The following HIGD1A variants were observed in gnomAD, a reference collection of about 807,000 sequenced individuals.
The protein encoded by HIGD1A is HIG1 hypoxia inducible domain family member 1A, also known as HIG1 domain family member 1A, mitochondrial.
HIGD1A carries 8 observed loss-of-function variants against 11.3 expected under a neutral mutation model. The ratio of observed to expected loss-of-function variants is 0.71; its 90% confidence interval spans 0.42 to 1.28. The LOEUF (loss-of-function observed/expected upper bound fraction) is 1.28, where lower values mean the gene tolerates loss of function less well. Among genes scored for constraint, HIGD1A ranks in the 50% most tolerant of loss-of-function variants. The pLI is 0.01. For missense variants in HIGD1A, 107 were observed against 118.8 expected (o/e 0.90, Z 0.46); for synonymous variants, 32 against 38.4 (o/e 0.83, Z 0.62).
rs1700439246 is a variant in HIGD1A at position 42,792,686 on chromosome 3, A to AT, written c.97+1470_97+1471insA. 2.0e-5 allele frequency among the ~76,000 whole-genome samples: 3 copies of AT among 149,576 alleles called. No homozygotes were observed. In the South Asian group the frequency reaches 6.4e-4, roughly 32 times the overall value. ...AAGACTCCGTTTCAAAAAAAAAAAAAGTAGAGTTTTAGGCCAGGCACGGTG... is the reference window on the plus strand; with the variant it reads ...AAGACTCCGTTTCAAAAAAAAAAAAATGTAGAGTTTTAGGCCAGGCACGGTG... On this transcript the variant is annotated intron_variant, in intron 2 of 3. Transcript: ENST00000321331.
intron 1 of HIGD1A, among the ~76,000 whole-genome samples, chr3:42,796,417 G>T (rs568067399): frequency 6.8e-6 from 1 of 146,750 alleles, no homozygotes; most frequent in Admixed American, 7.1e-5. Flanking sequence ...GTAATTAATC[G>T]TTCAAAAATT....
rs1559677092 is a variant in HIGD1A at position 42,794,176 on chromosome 3, C to G, written c.78G>C (p.Glu26Asp). Residue 26 changes from glutamate to aspartate, a missense_variant, in exon 2 of 4, where the codon GAG (glutamate) becomes GAC (aspartate). By Grantham distance (45) the Glu-to-Asp change is conservative. Transcript: ENST00000321331. ...ACTTACCAACGGGTACGAATGGTGC[C>G]TCTTTAGCTTTTCGAATGAGTTTTG... is the stretch of plus-strand genomic sequence containing the variant. Reference protein sequence around the residue: ...QGSKLIRKAKEAPFVPVGIAG... With the variant: ...QGSKLIRKAKDAPFVPVGIAG... The G allele has an allele frequency of 6.2e-6, 10 of 1,604,388 alleles. No individual in the cohort carries two copies. Among genetic ancestry groups the G allele is most frequent in the Non-Finnish European group, 8.5e-6 (10 of 1,177,110 alleles).
At chr3:42,796,008 T>C (rs1037894444) in intron 1 of HIGD1A, among the ~76,000 whole-genome samples, 1 of 152,228 alleles carries the variant, frequency 6.6e-6, no homozygotes, top group African/African-American at 2.4e-5. Flanking sequence ...CTAACACCCA[T>C]ATAAAATCTT....
chr3:42,791,242 C>T (rs1700418504), intron 2 of HIGD1A, among the ~76,000 whole-genome samples: 2 of 152,144 alleles, frequency 1.3e-5, no homozygotes, highest in Non-Finnish European at 2.9e-5. Flanking sequence ...GTCATACCTA[C>T]AAATAAATTC....
chr3:42,804,058 G>A (rs1181867109), intron 1 of HIGD1A: 2 of 1,134,046 alleles, frequency 1.8e-6, no homozygotes, highest in Non-Finnish European at 2.5e-6. Context: ...AATGTTCCAA[G>A]CTCCGGGGAA....
chr3:42,787,487 G>A (rs1251205550), intron 2 of HIGD1A, among the ~76,000 whole-genome samples: 2 of 151,516 alleles, frequency 1.3e-5, no homozygotes, highest in African/African-American at 4.9e-5. Context: ...AGCTACTTGG[G>A]AGGCTGAGGC....
chr3:42,804,036 C>G, intron 1 of HIGD1A: 1 of 922,448 alleles, frequency 1.1e-6, no homozygotes, highest in East Asian at 2.8e-5. Flanking sequence ...TGCCGCTTAG[C>G]CCGCTCTTCA....
intron 2 of HIGD1A, among the ~76,000 whole-genome samples, chr3:42,792,582 G>T (rs1336694131): frequency 6.6e-6 from 1 of 150,488 alleles, no homozygotes; most frequent in Non-Finnish European, 1.5e-5. Context: ...GCTGAGGCAG[G>T]AGAATGGCGT....
At chr3:42,785,584 A>G (rs897180992) in intron 3 of HIGD1A, among the ~76,000 whole-genome samples, 3 of 152,210 alleles carry the variant, frequency 2.0e-5, no homozygotes, top group African/African-American at 7.2e-5. Flanking sequence ...AGAACAATCA[A>G]TATTTATCTG....
chr3:42,791,723 G>A (rs34868846), intron 2 of HIGD1A, among the ~76,000 whole-genome samples: 33,740 of 152,132 alleles, frequency 0.22, 4,845 homozygotes, highest in East Asian at 0.51. Flanking sequence ...ATGTATAAAT[G>A]ACAACCCATT....
chr3:42,799,297 TA>T lies in HIGD1A; in HGVS notation c.-22-5023del, dbSNP rs532630050. Among the ~76,000 whole-genome samples, 46 of 114,666 alleles carry T rather than the reference TA, an allele frequency of 4.0e-4. 14 individuals carry two copies. Among genetic ancestry groups the T allele is most frequent in the African/African-American group, 1.6e-3 (42 of 26,178 alleles). The allele number at this position is 114,666 out of a possible 152,430, so 75.2% of individuals were successfully genotyped here. On this transcript the variant is annotated intron_variant, in intron 1 of 3. Transcript: ENST00000321331. ...AAGAATTATCAATAAAAAAATAAAT[TA>T]AAAAAAAAAAAAAAAAAAAAAGAAT...
chr3:42,802,055 G>C (rs1207626217), intron 1 of HIGD1A, among the ~76,000 whole-genome samples: 26 of 152,054 alleles, frequency 1.7e-4, no homozygotes, highest in Admixed American at 1.6e-3. Flanking sequence ...AACAAAAACA[G>C]GACATAAATC....
rs1445507529 is a variant in HIGD1A, at chr3:42,783,910, T to C, written c.*1361A>G. ...GGCCAACATGGTGAAACCTCGTCTC[T>C]ACTAAATATACAAAAATTAGCCAGG... On this transcript the variant is annotated 3_prime_UTR_variant, in exon 4 of 4. Coordinates refer to ENST00000321331, the MANE Select transcript of HIGD1A (RefSeq NM_014056.4). 6.6e-6 allele frequency among the ~76,000 whole-genome samples: 1 copy of C among 152,076 alleles called. No homozygotes were observed. Among genetic ancestry groups the C allele is most frequent in the Non-Finnish European group, 1.5e-5 (1 of 68,036 alleles).
intron 2 of HIGD1A, among the ~76,000 whole-genome samples, chr3:42,789,747 G>A (rs1361472428): frequency 6.6e-6 from 1 of 151,926 alleles, no homozygotes. Flanking sequence ...TTTATTTAGA[G>A]ACAGGGTCTT....
intron 3 of HIGD1A, 127 bp downstream of exon 3, chr3:42,785,901 A>T: frequency 1.2e-6 from 1 of 814,594 alleles, no homozygotes; most frequent in Non-Finnish European, 2.0e-6. Flanking sequence ...TTCATTTTTT[A>T]CATGAAAATG....
At chr3:42,785,780 C>A (rs1700342312) in intron 3 of HIGD1A, among the ~76,000 whole-genome samples, 1 of 152,128 alleles carries the variant, frequency 6.6e-6, no homozygotes, top group African/African-American at 2.4e-5. Flanking sequence ...CATGTCTAGG[C>A]TCTTCAATGA....
At chr3:42,801,223 T>A (rs557947350) in intron 1 of HIGD1A, among the ~76,000 whole-genome samples, 1 of 152,354 alleles carries the variant, frequency 6.6e-6, no homozygotes, top group Admixed American at 6.5e-5. Context: ...GAGTAATTCC[T>A]GGAACTCGGC....
intron 1 of HIGD1A, among the ~76,000 whole-genome samples, chr3:42,795,740 T>C (rs2125593134): frequency 6.6e-6 from 1 of 151,052 alleles, no homozygotes; most frequent in African/African-American, 2.4e-5. Context: ...AAAAAAAGGA[T>C]TCATTTTCAT....
At chr3:42,786,210 G>T in intron 2 of HIGD1A, 48 bp from the exon 3 acceptor site, 4 of 1,601,462 alleles carry the variant, frequency 2.5e-6, no homozygotes, top group Non-Finnish European at 3.4e-6. Flanking sequence ...AAGGGACCAA[G>T]ATGACTTTAC....
Sources: allele counts gnomAD v4.1 joint callset (sites outside exome capture counted in the v4.1 genomes callset), GRCh38; gene constraint gnomAD v4.1.1; transcripts MANE v1.5; gene names NCBI Gene and HGNC (gene_info 2026-07-23, HGNC 2026-07-21).